Variants in ARID1B observed in about 807,000 individuals in gnomAD.
ARID1B encodes the protein AT-rich interaction domain 1B, also known as AT-rich interactive domain-containing protein 1B.
ARID1B carries 30 observed loss-of-function variants against 212.3 expected under a neutral mutation model. The observed-to-expected ratio is 0.14, with a 90% CI of 0.11 to 0.19. The LOEUF is 0.19. Among genes scored for constraint, ARID1B ranks in the 10% least tolerant of loss-of-function variants. ARID1B has a pLI of 1.00. For synonymous variants in ARID1B, 1,402 were observed against 1,301.7 expected, an observed-to-expected ratio of 1.08 and a Z score of -1.66; for missense variants, 2,891 against 3,204.0, an observed-to-expected ratio of 0.90 and a Z score of 2.36.
chr6:157,115,816 TA>T (rs1311649990), intron 6 of ARID1B, among the ~76,000 whole-genome samples: 1 of 152,212 alleles, frequency 6.6e-6, no homozygotes, highest in Non-Finnish European at 1.5e-5. Flanking sequence ...AGAAAAACAG[TA>T]AAAACCTCAG....
intron 7 of ARID1B, among the ~76,000 whole-genome samples, chr6:157,143,609 C>T (rs918341298): frequency 6.6e-6 from 1 of 152,134 alleles, no homozygotes. Flanking sequence ...TTATCGTAGT[C>T]ACTTTACAGA....
chr6:156,914,976 A>AT (rs1187061325), intron 3 of ARID1B, among the ~76,000 whole-genome samples: 2 of 152,176 alleles, frequency 1.3e-5, no homozygotes, highest in Non-Finnish European at 2.9e-5. Flanking sequence ...TTTTGTCATT[A>AT]TGTCCCCAGC....
intron 2 of ARID1B, among the ~76,000 whole-genome samples, chr6:156,881,258 A>C (rs1170653288): frequency 6.6e-6 from 1 of 152,168 alleles, no homozygotes; most frequent in Non-Finnish European, 1.5e-5. Flanking sequence ...TGGTACTAGG[A>C]GAGCCAGAAG....
At chr6:156,907,406 G>A (rs1789488727) in intron 3 of ARID1B, among the ~76,000 whole-genome samples, 1 of 152,014 alleles carries the variant, frequency 6.6e-6, no homozygotes, top group Non-Finnish European at 1.5e-5. Context: ...CTTATAATCT[G>A]TTTTTGAGGT....
intron 4 of ARID1B, among the ~76,000 whole-genome samples, chr6:157,026,864 G>T (rs1438405767): frequency 6.6e-6 from 1 of 152,186 alleles, no homozygotes; most frequent in East Asian, 1.9e-4. Context: ...GAGTGGAATA[G>T]TGGTATTGTG....
chr6:156,808,221 C>T (rs1004288226), intron 1 of ARID1B, among the ~76,000 whole-genome samples: 1 of 152,020 alleles, frequency 6.6e-6, no homozygotes, highest in Admixed American at 6.5e-5. Flanking sequence ...TTTATTTTTC[C>T]CGAAGTTATT....
chr6:156,988,409 A>C (rs75275599), intron 4 of ARID1B, among the ~76,000 whole-genome samples: 30 of 152,166 alleles, frequency 2.0e-4, no homozygotes, highest in African/African-American at 7.2e-4. Context: ...TTTTGTGCTT[A>C]TCTCAGGGGA....
chr6:156,860,638 T>C (rs1785263211), intron 2 of ARID1B, among the ~76,000 whole-genome samples: 1 of 152,208 alleles, frequency 6.6e-6, no homozygotes, highest in Non-Finnish European at 1.5e-5. Flanking sequence ...TGGAGGTGAT[T>C]GTAGGAGAAG....
Position 157,100,383 on chromosome 6 carries a change from A to C in ARID1B, c.2492-10089A>C, listed in dbSNP as rs147591967. Among the ~76,000 whole-genome samples, 265 of 152,226 alleles carry C rather than the reference A, an allele frequency of 1.7e-3. 1 individual carries two copies. Among genetic ancestry groups the C allele is most frequent in the African/African-American group, 6.2e-3 (256 of 41,462 alleles). ...GCACTTCAGATAAACTGTTAACCGG[A>C]ACCACTAAGCGGAAGCCTGAGCAGA... is the stretch of plus-strand genomic sequence containing the variant. On this transcript the variant is annotated intron_variant, in intron 5 of 19. Coordinates refer to ENST00000636930, the MANE Select transcript of ARID1B (RefSeq NM_001374828.1).
chr6:156,841,958 G>A (rs866645217), intron 2 of ARID1B, among the ~76,000 whole-genome samples: 29 of 152,252 alleles, frequency 1.9e-4, no homozygotes, highest in African/African-American at 6.5e-4. Flanking sequence ...ACTGACACTG[G>A]AGTTCCTTTG....
chr6:157,020,602 TAAAC>T (rs904485691), intron 4 of ARID1B, among the ~76,000 whole-genome samples: 4 of 152,186 alleles, frequency 2.6e-5, no homozygotes, highest in African/African-American at 9.7e-5. Flanking sequence ...TGGCATCACA[TAAAC>T]AACAGCCTAG....
intron 4 of ARID1B, among the ~76,000 whole-genome samples, chr6:157,067,619 A>G (rs1197089929): frequency 1.3e-5 from 2 of 152,130 alleles, no homozygotes; most frequent in African/African-American, 4.8e-5. Flanking sequence ...GATTTTCAAT[A>G]ATATTTATTA....
chr6:156,871,426 A>G (rs1290350749), intron 2 of ARID1B, among the ~76,000 whole-genome samples: 2 of 152,224 alleles, frequency 1.3e-5, no homozygotes, highest in Non-Finnish European at 2.9e-5. Flanking sequence ...ATCAGATCCC[A>G]TGGATAACCC....
chr6:157,041,695 A>G (rs1000489541), intron 4 of ARID1B, among the ~76,000 whole-genome samples: 2 of 152,150 alleles, frequency 1.3e-5, no homozygotes, highest in African/African-American at 4.8e-5. Context: ...AGTTCACGCA[A>G]CCAATCAGTA....
intron 3 of ARID1B, among the ~76,000 whole-genome samples, chr6:156,921,436 AAAACACAC>A (rs1368000283): frequency 8.1e-6 from 1 of 123,266 alleles, no homozygotes; most frequent in Non-Finnish European, 1.6e-5. Flanking sequence ...ACTTGATGGG[AAAACACAC>A]ACACACACAC....
chr6:157,204,150 G>A, intron 19 of ARID1B, 154 bp downstream of exon 19: 1 of 936,370 alleles, frequency 1.1e-6, no homozygotes, highest in Admixed American at 2.1e-5. Flanking sequence ...AATCAATGTA[G>A]AGTTATCTGG....
intron 4 of ARID1B, among the ~76,000 whole-genome samples, chr6:157,052,623 G>C (rs1782683972): frequency 6.6e-6 from 1 of 152,224 alleles, no homozygotes; most frequent in South Asian, 2.1e-4. Flanking sequence ...AGTTGCAAAG[G>C]AAAAGATGCA....
Position 157,203,115 on chromosome 6 carries a change from TC to T in ARID1B, c.5264-750del, listed in dbSNP as rs1272549032. 1.3e-5 allele frequency among the ~76,000 whole-genome samples: 2 copies of T among 152,174 alleles called. No individual in the cohort carries two copies. Among genetic ancestry groups the T allele is most frequent in the Non-Finnish European group, 1.5e-5 (1 of 68,034 alleles). ...CGGTGTCTCCCCCTCATGCAATGAT[TC>T]TTGGTGCCTGGAGAATGCCCCCAGC... On this transcript the variant is annotated intron_variant, in intron 18 of 19. Transcript: ENST00000636930. The surrounding 1 kb of genome is among the most constrained non-coding windows in gnomAD (Gnocchi z 4.4).
intron 5 of ARID1B, among the ~76,000 whole-genome samples, chr6:157,096,960 T>C (rs1212052664): frequency 1.3e-5 from 2 of 152,220 alleles, no homozygotes; most frequent in East Asian, 1.9e-4. Context: ...CAAATATACA[T>C]TGTGAAGTGT....
Sources: gnomAD v4.1 joint callset for allele counts (sites outside exome capture counted in the v4.1 genomes callset) on GRCh38, gnomAD v4.1.1 for gene constraint, Gnocchi (gnomAD v3.1) non-coding constraint, MANE v1.5 for transcripts, NCBI Gene and HGNC (gene_info 2026-07-23, HGNC 2026-07-21) for gene names.